Variants in SNTG1 observed in about 807,000 individuals in gnomAD.
SNTG1 encodes gamma-1-syntrophin.
In SNTG1, 39 loss-of-function variants were observed where a neutral mutation model predicts 74.7. That is an observed-to-expected ratio of 0.52 (90% confidence interval 0.40 to 0.68). The LOEUF (loss-of-function observed/expected upper bound fraction) is 0.68, where lower values mean the gene tolerates loss of function less well. SNTG1 is among the 30% of genes least tolerant of loss of function. The pLI, the probability that SNTG1 is intolerant of heterozygous loss-of-function variation, is 0.00. For missense variants in SNTG1, 685 were observed against 609.5 expected (o/e 1.12, Z -1.30); for synonymous variants, 254 against 217.1 (o/e 1.17, Z -1.49).
chr8:50,035,128 C>G (rs1563502615), intron 1 of SNTG1, among the ~76,000 whole-genome samples: 2 of 152,092 alleles, frequency 1.3e-5, no homozygotes, highest in Admixed American at 6.6e-5. Context: ...TGCAGTGCAC[C>G]AAACTTCTTC....
chr8:50,410,873 T>G (rs1311395836), intron 4 of SNTG1, among the ~76,000 whole-genome samples: 3 of 152,222 alleles, frequency 2.0e-5, no homozygotes, highest in Non-Finnish European at 4.4e-5. Context: ...TATAGTCAAC[T>G]GTGTATATAT....
chr8:50,792,617 T>C (rs926994695), intron 18 of SNTG1, 54 bp from the exon 19 acceptor site: 3 of 1,520,276 alleles, frequency 2.0e-6, no homozygotes, highest in African/African-American at 2.8e-5. Flanking sequence ...CTATTATAAA[T>C]TTTTAAAGAC....
intron 2 of SNTG1, among the ~76,000 whole-genome samples, chr8:50,369,527 C>A (rs1204895841): frequency 6.6e-6 from 1 of 151,318 alleles, no homozygotes; most frequent in Non-Finnish European, 1.5e-5. Flanking sequence ...ACCCAGGAGG[C>A]AGAGGTTGCA....
At chr8:50,489,122 A>C (rs561759374) in intron 8 of SNTG1, among the ~76,000 whole-genome samples, 112 of 152,158 alleles carry the variant, frequency 7.4e-4, no homozygotes, top group Non-Finnish European at 1.3e-3. Flanking sequence ...CTTTTTTATG[A>C]CTGCATAGTA....
chr8:50,664,437 A>G (rs1332693619), intron 15 of SNTG1, among the ~76,000 whole-genome samples: 1 of 152,220 alleles, frequency 6.6e-6, no homozygotes, highest in Non-Finnish European at 1.5e-5. Flanking sequence ...TTGAAAATCT[A>G]TGAAAAATAC....
intron 8 of SNTG1, among the ~76,000 whole-genome samples, chr8:50,454,186 T>A (rs1398710284): frequency 2.0e-5 from 3 of 152,174 alleles, no homozygotes; most frequent in African/African-American, 7.2e-5. Flanking sequence ...GCTTAACAAG[T>A]AAACTGATCA....
chr8:50,781,980 A>G (rs866365633), intron 18 of SNTG1, among the ~76,000 whole-genome samples: 2 of 152,112 alleles, frequency 1.3e-5, no homozygotes, highest in South Asian at 4.1e-4. Context: ...GTTTGGCTGG[A>G]TATGAAATTC....
chr8:50,439,447 A>C (rs993645879), intron 5 of SNTG1, among the ~76,000 whole-genome samples: 1 of 152,062 alleles, frequency 6.6e-6, no homozygotes, highest in African/African-American at 2.4e-5. Context: ...AGAACTCTAA[A>C]TTTTGTGAAC....
intron 8 of SNTG1, among the ~76,000 whole-genome samples, chr8:50,478,957 T>G (rs1260442963): frequency 1.3e-5 from 2 of 152,200 alleles, no homozygotes; most frequent in African/African-American, 2.4e-5. Flanking sequence ...GTAATATTTA[T>G]TAAGTAAATA....
intron 15 of SNTG1, among the ~76,000 whole-genome samples, chr8:50,671,264 A>G (rs537360862): frequency 0.031 from 4,658 of 150,542 alleles, 231 homozygotes; most frequent in African/African-American, 0.11. Context: ...GCAACCTACA[A>G]AATGGGAGAA....
Position 50,794,044 on chromosome 8 carries a change from T to C in SNTG1, c.*1215T>C, listed in dbSNP as rs2095698620. Reference sequence around the variant, plus strand: ...CAGATTCCAGGTATTATTCAACTAGTTGTATAACATGGAACACAGTCTCTG... The same window carrying C: ...CAGATTCCAGGTATTATTCAACTAGCTGTATAACATGGAACACAGTCTCTG... On this transcript the variant is annotated 3_prime_UTR_variant, in exon 19 of 19. Transcript: ENST00000642720. The C allele has an allele frequency of 6.6e-6, 1 of 151,846 alleles. No homozygotes were observed. Among genetic ancestry groups the C allele is most frequent in the Non-Finnish European group, 1.5e-5 (1 of 67,878 alleles). 9.4% of individuals were successfully genotyped at this position (151,846 alleles called of 1,614,324 possible).
intron 2 of SNTG1, among the ~76,000 whole-genome samples, chr8:50,239,067 G>A (rs1277536197): frequency 1.3e-5 from 2 of 152,126 alleles, no homozygotes; most frequent in African/African-American, 2.4e-5. Flanking sequence ...TCAGTCACAC[G>A]AAAACCAGCT....
chr8:50,304,411 A>G (rs957065385), intron 2 of SNTG1, among the ~76,000 whole-genome samples: 1 of 152,210 alleles, frequency 6.6e-6, no homozygotes, highest in African/African-American at 2.4e-5. Flanking sequence ...AATCTCCACC[A>G]TGACATTACA....
intron 11 of SNTG1, among the ~76,000 whole-genome samples, chr8:50,539,452 G>T (rs2094330802): frequency 1.3e-5 from 2 of 152,222 alleles, no homozygotes; most frequent in East Asian, 3.9e-4. Context: ...GGTTACTAAA[G>T]GTTGGAGGTA....
intron 1 of SNTG1, among the ~76,000 whole-genome samples, chr8:49,961,029 A>G (rs1810635293): frequency 1.3e-5 from 2 of 152,198 alleles, no homozygotes; most frequent in South Asian, 2.1e-4. Flanking sequence ...ATTTGATAGG[A>G]CTGTCATCTT....
At chr8:50,108,051 G>T (rs1181789635) in intron 1 of SNTG1, among the ~76,000 whole-genome samples, 2 of 151,418 alleles carry the variant, frequency 1.3e-5, no homozygotes, top group Non-Finnish European at 1.5e-5. Context: ...ACCTGTGTAG[G>T]TCTTTTGCTG....
intron 1 of SNTG1, among the ~76,000 whole-genome samples, chr8:50,131,951 C>G (rs866986945): frequency 6.6e-6 from 1 of 151,966 alleles, no homozygotes; most frequent in African/African-American, 2.4e-5. Flanking sequence ...TGATGTTGAG[C>G]ACCTTGTTAT....
At chr8:50,405,280 G>C (rs2092858153) in intron 4 of SNTG1, among the ~76,000 whole-genome samples, 1 of 152,026 alleles carries the variant, frequency 6.6e-6, no homozygotes, top group South Asian at 2.1e-4. Context: ...AAATACAAGG[G>C]TTCCAAGTTC....
chr8:50,114,465 T>C (rs1389685121), intron 1 of SNTG1, among the ~76,000 whole-genome samples: 1 of 152,088 alleles, frequency 6.6e-6, no homozygotes, highest in African/African-American at 2.4e-5. Flanking sequence ...ATTTGAGAAA[T>C]TTTAAAAAGT....
Sources: allele counts gnomAD v4.1 joint callset (sites outside exome capture counted in the v4.1 genomes callset), GRCh38; gene constraint gnomAD v4.1.1; transcripts MANE v1.5; gene names NCBI Gene and HGNC (gene_info 2026-07-23, HGNC 2026-07-21).